Variants in SCN10A observed in about 807,000 individuals in gnomAD.
The protein encoded by SCN10A is sodium voltage-gated channel alpha subunit 10, also known as sodium channel protein type 10 subunit alpha.
In SCN10A, 162 loss-of-function variants were observed where a neutral mutation model predicts 170.7. The observed-to-expected ratio is 0.95, with a 90% confidence interval of 0.84 to 1.08. The LOEUF is 1.08. SCN10A is among the 50% of genes least tolerant of loss of function. The pLI is 0.00. For synonymous variants in SCN10A, 985 were observed against 904.6 expected, an observed-to-expected ratio of 1.09 and a Z score of -1.59; for missense variants, 2,527 against 2,436.9, an observed-to-expected ratio of 1.04 and a Z score of -0.78.
At chr3:38,780,604 A>G (rs888642882) in intron 4 of SCN10A, among the ~76,000 whole-genome samples, 1 of 152,014 alleles carries the variant, frequency 6.6e-6, no homozygotes, top group African/African-American at 2.4e-5. Flanking sequence ...ACATTCTTAA[A>G]TAAATGTGAC....
At chr3:38,788,051 C>T (rs116083182) in intron 4 of SCN10A, among the ~76,000 whole-genome samples, 2,261 of 151,770 alleles carry the variant, frequency 0.015, 15 homozygotes, top group Non-Finnish European at 0.023. Flanking sequence ...CACATTTATT[C>T]CCTTCTATTT....
In SCN10A at chr3:38,752,333, GC is replaced by G; in HGVS notation, c.1640del (p.Gly547AlafsTer55). On this transcript the variant is annotated frameshift_variant, in exon 12 of 28. Coordinates refer to ENST00000449082, the MANE Select transcript of SCN10A (RefSeq NM_006514.4). LOFTEE classifies it high-confidence loss of function. ...LLLGGGAGQQ[G>X]PLPRSPLPQP... ...GAGGAAGAGGGCTTCTAGGGAGGGG[GC>G]CTTGCTGGCCAGCACCCCCACCCAG... 1 of 1,613,192 alleles carries G rather than the reference GC, an allele frequency of 6.2e-7. No individual in the cohort carries two copies. The highest frequency in any genetic ancestry group is 8.5e-7 in the Non-Finnish European group (1 of 1,179,654).
At chr3:38,723,306 T>C (rs2125998174) in intron 19 of SCN10A, 124 bp downstream of exon 19, 1 of 1,232,878 alleles carries the variant, frequency 8.1e-7, no homozygotes. Context: ...CCCTCAAGCC[T>C]GGGAGTGAGG....
Position 38,707,403 on chromosome 3 carries a change from G to C in SCN10A, c.4282-20C>G. The C allele has an allele frequency of 6.2e-7, 1 of 1,612,832 alleles. No individual in the cohort carries two copies. Among genetic ancestry groups the C allele is most frequent in the Non-Finnish European group, 8.5e-7 (1 of 1,178,956 alleles). On this transcript the variant is annotated intron_variant, in intron 25 of 27. Transcript: ENST00000449082. ...CCCTAAGTGCAGAGAGGGCCACACTGTTACTAAAGCAAGAGGAACCCCCTA... is the reference window on the plus strand; with the variant it reads ...CCCTAAGTGCAGAGAGGGCCACACTCTTACTAAAGCAAGAGGAACCCCCTA...
intron 10 of SCN10A, 130 bp downstream of exon 10, chr3:38,756,544 G>A: frequency 1.3e-6 from 1 of 748,644 alleles, no homozygotes; most frequent in Non-Finnish European, 2.3e-6. Flanking sequence ...GATCTAATAT[G>A]GTCCCTGAGG....
At chr3:38,797,392 C>A (rs2064346864) in intron 1 of SCN10A, among the ~76,000 whole-genome samples, 1 of 152,192 alleles carries the variant, frequency 6.6e-6, no homozygotes, top group Admixed American at 6.6e-5. Flanking sequence ...TCCTCCATTA[C>A]TTTCTTCTGA....
At chr3:38,716,562 G>T (rs759046460) in intron 21 of SCN10A, among the ~76,000 whole-genome samples, 1 of 152,040 alleles carries the variant, frequency 6.6e-6, no homozygotes, top group African/African-American at 2.4e-5. Context: ...AAATTGCCCA[G>T]TCTTAGGTAT....
At chr3:38,702,215 C>T in intron 26 of SCN10A, 106 bp from the exon 27 acceptor site, 1 of 1,230,716 alleles carries the variant, frequency 8.1e-7, no homozygotes, top group Non-Finnish European at 1.1e-6. Flanking sequence ...CACATCTTAA[C>T]AGAAGCGAAA....
intron 7 of SCN10A, 81 bp from the exon 8 acceptor site, chr3:38,760,828 C>A: frequency 8.6e-7 from 1 of 1,156,560 alleles, no homozygotes; most frequent in Non-Finnish European, 1.3e-6. Context: ...TGCAATATTC[C>A]CAAGTCTTCC....
chr3:38,709,245 C>T (rs2063244759), intron 25 of SCN10A, among the ~76,000 whole-genome samples: 1 of 152,158 alleles, frequency 6.6e-6, no homozygotes, highest in Non-Finnish European at 1.5e-5. Context: ...TTGGGAAGAC[C>T]AAGATCCCTT....
Position 38,757,640 on chromosome 3 carries a change from A to G in SCN10A, c.951-481T>C, listed in dbSNP as rs565278706. 3.9e-5 allele frequency among the ~76,000 whole-genome samples: 6 copies of G among 152,360 alleles called. No homozygotes were observed. The South Asian group carries it at 1.2e-3, about 32-fold the overall frequency. On this transcript the variant is annotated intron_variant, in intron 8 of 27. Transcript: ENST00000449082. ...CTCTCTCCCTTTAAGTGCTTTACAA[A>G]CACTATAATTTAATCACTCAATGTT...
rs113546895 is a variant in SCN10A, at chr3:38,721,222, T to G, written c.3507+1036A>C. On this transcript the variant is annotated intron_variant, in intron 20 of 27. Transcript: ENST00000449082. ...ATGGAGGCCTAGATATTTAGTAGGT[T>G]GTTTTTAGAGAGTAAATGACACATG... Among the ~76,000 whole-genome samples, 1,010 of 152,304 alleles carry G rather than the reference T, an allele frequency of 6.6e-3. 8 individuals carry two copies. Among genetic ancestry groups the G allele is most frequent in the Non-Finnish European group, 9.2e-3 (629 of 68,010 alleles).
In SCN10A at chr3:38,752,227, C is replaced by T. The variant is rs910976049; in HGVS notation, c.1747G>A (p.Asp583Asn). The change falls in exon 12 of 28, where the codon GAT (aspartate) becomes AAT (asparagine). Residue 583 changes from aspartate to asparagine, a missense_variant. Asp to Asn is a conservative substitution (Grantham distance 23). Coordinates refer to ENST00000449082, the MANE Select transcript of SCN10A (RefSeq NM_006514.4). ...PTSELAPGAV[D>N]VSAFDAGQKK... ...AGCATTCACAAACTCACCGAGACAT[C>T]GACAGCTCCAGGGGCAAGCTCACTA... The T allele has an allele frequency of 2.0e-5, 31 of 1,517,270 alleles. No homozygotes were observed. The highest frequency in any genetic ancestry group is 4.8e-5 in the East Asian group (2 of 41,488). 94.0% of individuals were successfully genotyped at this position (1,517,270 alleles called of 1,614,324 possible).
intron 20 of SCN10A, among the ~76,000 whole-genome samples, chr3:38,721,897 G>T (rs2063393639): frequency 6.6e-6 from 1 of 152,224 alleles, no homozygotes; most frequent in African/African-American, 2.4e-5. Flanking sequence ...GGAAGCCAGG[G>T]GCTTCGGGAT....
chr3:38,727,143 C>A lies in SCN10A; in HGVS notation c.2641-91G>T, dbSNP rs953454903. ...GGTTAGCAGCTGGCTGGCAAGACAG[C>A]CACGGCCTGGGCCTCTTCCTGCCCA... On this transcript the variant is annotated intron_variant, in intron 16 of 27. Transcript: ENST00000449082. 2.4e-6 allele frequency: 3 copies of A among 1,268,434 alleles called. No homozygotes were observed. In the South Asian group the frequency reaches 4.1e-5, roughly 17 times the overall value. 78.6% of individuals were successfully genotyped at this position (1,268,434 alleles called of 1,614,324 possible).
chr3:38,754,750 T>C (rs561303200), intron 11 of SCN10A, among the ~76,000 whole-genome samples: 19 of 152,272 alleles, frequency 1.2e-4, no homozygotes, highest in African/African-American at 4.6e-4. Context: ...TGTGTTTGTA[T>C]ATGCACACAT....
intron 13 of SCN10A, among the ~76,000 whole-genome samples, chr3:38,749,354 T>C (rs887211079): frequency 3.3e-5 from 5 of 152,194 alleles, no homozygotes; most frequent in Admixed American, 2.6e-4. Flanking sequence ...GGTTGCATTC[T>C]CCATACCCTA....
Position 38,742,548 on chromosome 3 carries a change from A to G in SCN10A, c.1868-19T>C. 1.9e-6 allele frequency: 3 copies of G among 1,596,926 alleles called. No individual in the cohort carries two copies. The highest frequency in any genetic ancestry group is 2.6e-6 in the Non-Finnish European group (3 of 1,164,588). ...TCGAGTTCTGCATTATAGTGTGGTC[A>G]ATGACAGCTGTCAGCCATGTGTCAC... On this transcript the variant is annotated intron_variant, in intron 13 of 27. Coordinates refer to ENST00000449082, the MANE Select transcript of SCN10A (RefSeq NM_006514.4).
chr3:38,772,322 G>GA lies in SCN10A; in HGVS notation c.471-916dup, dbSNP rs147803028. Among the ~76,000 whole-genome samples, 293 of 133,878 alleles carry GA rather than the reference G, an allele frequency of 2.2e-3. 1 individual carries two copies. Among genetic ancestry groups the GA allele is most frequent in the African/African-American group, 6.3e-3 (223 of 35,202 alleles). The allele number at this position is 133,878 out of a possible 152,430, so 87.8% of individuals were successfully genotyped here. ...CAGAAACCAAAGCAACCAAACAACT[G>GA]AAAAAAAAAAAAAAAAGAAAAGAAA... On this transcript the variant is annotated intron_variant, in intron 4 of 27. Transcript: ENST00000449082.
Sources: gnomAD v4.1 joint callset for allele counts (sites outside exome capture counted in the v4.1 genomes callset) on GRCh38, gnomAD v4.1.1 for gene constraint, MANE v1.5 for transcripts, NCBI Gene and HGNC (gene_info 2026-07-23, HGNC 2026-07-21) for gene names.